The following RGS7 variants were observed in gnomAD, a reference collection of about 807,000 sequenced individuals.
The protein encoded by RGS7 is regulator of G protein signaling 7.
RGS7 carries 27 observed loss-of-function variants against 81.1 expected under a neutral mutation model. That is an observed-to-expected ratio of 0.33 (90% CI 0.25 to 0.46). The LOEUF (loss-of-function observed/expected upper bound fraction) is 0.46. RGS7 is among the 20% of genes least tolerant of loss of function. RGS7 has a pLI of 1.00. For missense variants in RGS7, 396 were observed against 607.4 expected (o/e 0.65, Z 3.66); for synonymous variants, 208 against 207.7 (o/e 1.00, Z -0.01).
intron 2 of RGS7, among the ~76,000 whole-genome samples, chr1:241,122,318 T>C (rs934301026): frequency 2.6e-5 from 4 of 152,174 alleles, no homozygotes; most frequent in African/African-American, 7.2e-5. Flanking sequence ...CAGGGTTATG[T>C]CCTGATAAAC....
At chr1:241,062,534 G>T (rs1291060468) in intron 3 of RGS7, among the ~76,000 whole-genome samples, 1 of 152,130 alleles carries the variant, frequency 6.6e-6, no homozygotes, top group Non-Finnish European at 1.5e-5. Context: ...AAGAATTAGA[G>T]CATTTCATAT....
intron 2 of RGS7, among the ~76,000 whole-genome samples, chr1:241,156,247 T>A (rs2069140563): frequency 6.6e-6 from 1 of 152,076 alleles, no homozygotes; most frequent in Admixed American, 6.6e-5. Context: ...ATTTCAGTCC[T>A]TTAGGAGCCT....
rs1663988608 is a variant in RGS7 at position 240,868,969 on chromosome 1, G to C, written c.451-117C>G. On this transcript the variant is annotated intron_variant, in intron 7 of 18. Coordinates refer to ENST00000440928, the MANE Select transcript of RGS7 (RefSeq NM_001364886.1). This position sits in a 1 kb window ranked among gnomAD's most constrained non-coding sequence, Gnocchi z 5.1. ...ATAGAGAGTTTCTAAAGCCCTAAGT[G>C]TACTGTGGTTCTCAATGATAAGTCA... 12 of 903,476 alleles carry C rather than the reference G, an allele frequency of 1.3e-5. No homozygotes were observed. The highest frequency in any genetic ancestry group is 2.2e-5 in the Non-Finnish European group (12 of 544,212). The allele number at this position is 903,476 out of a possible 1,614,324, so 56.0% of individuals were successfully genotyped here.
At chr1:241,058,160 G>C (rs146023267) in intron 3 of RGS7, among the ~76,000 whole-genome samples, 74 of 152,244 alleles carry the variant, frequency 4.9e-4, no homozygotes, top group African/African-American at 1.6e-3. Flanking sequence ...GGGCAAATGG[G>C]CTCAAACATG....
At chr1:241,310,902 C>G (rs1274521522) in intron 2 of RGS7, among the ~76,000 whole-genome samples, 1 of 152,204 alleles carries the variant, frequency 6.6e-6, no homozygotes, top group Non-Finnish European at 1.5e-5. Flanking sequence ...ATTTGCAAGA[C>G]AGTGGTCAAA....
chr1:241,069,968 A>T (rs1447410072), intron 3 of RGS7, among the ~76,000 whole-genome samples: 1 of 152,212 alleles, frequency 6.6e-6, no homozygotes, highest in African/African-American at 2.4e-5. Context: ...CTGATGAGAA[A>T]ATTGGGTTTC....
At chr1:241,234,678 C>T (rs1420569499) in intron 2 of RGS7, among the ~76,000 whole-genome samples, 1 of 152,072 alleles carries the variant, frequency 6.6e-6, no homozygotes, top group East Asian at 1.9e-4. Context: ...GAGAAAGACA[C>T]ACAATTCTCC....
chr1:240,870,183 C>T lies in RGS7; in HGVS notation c.386-64G>A. On this transcript the variant is annotated intron_variant, in intron 6 of 18. Transcript: ENST00000440928. ...CACCATGGCACTATAAGTAAAAGTACAACATTACAAATCAAGGGCATTGCA... is the reference window on the plus strand; with the variant it reads ...CACCATGGCACTATAAGTAAAAGTATAACATTACAAATCAAGGGCATTGCA... The T allele has an allele frequency of 2.9e-6, 4 of 1,397,228 alleles. No homozygotes were observed. In the South Asian group the frequency reaches 4.6e-5, roughly 16 times the overall value. The allele number at this position is 1,397,228 out of a possible 1,614,324, so 86.6% of individuals were successfully genotyped here.
At chr1:241,042,635 T>C (rs765200365) in intron 3 of RGS7, among the ~76,000 whole-genome samples, 44 of 149,688 alleles carry the variant, frequency 2.9e-4, no homozygotes, top group Non-Finnish European at 3.6e-4. Flanking sequence ...TTCAAGATTA[T>C]GTCCCTTGGC....
intron 2 of RGS7, among the ~76,000 whole-genome samples, chr1:241,128,777 C>CAAAAAAA (rs71172680): frequency 3.8e-5 from 3 of 77,954 alleles, no homozygotes; most frequent in Admixed American, 1.6e-4. Context: ...GAATAATAGG[C>CAAAAAAA]AAAAAAAAAA....
At chr1:241,313,888 C>T (rs968807312) in intron 2 of RGS7, among the ~76,000 whole-genome samples, 4 of 152,226 alleles carry the variant, frequency 2.6e-5, no homozygotes, top group South Asian at 2.1e-4. Flanking sequence ...AAGCCTTCAG[C>T]GGTGGAAGTC....
intron 2 of RGS7, among the ~76,000 whole-genome samples, chr1:241,257,680 C>T (rs1356979138): frequency 1.3e-5 from 2 of 152,044 alleles, no homozygotes; most frequent in African/African-American, 2.4e-5. Context: ...ATTCTTTCTC[C>T]ACCTTCTCTT....
At chr1:241,175,258 A>T (rs10926423) in intron 2 of RGS7, among the ~76,000 whole-genome samples, 1 of 152,152 alleles carries the variant, frequency 6.6e-6, no homozygotes, top group South Asian at 2.1e-4. Context: ...ATTGTCTCCT[A>T]TTACACATTG....
chr1:241,166,872 G>T (rs1311819644), intron 2 of RGS7, among the ~76,000 whole-genome samples: 1 of 152,178 alleles, frequency 6.6e-6, no homozygotes, highest in African/African-American at 2.4e-5. Context: ...CCTTCCAGAA[G>T]GCAGAATCAG....
rs1368131212 is a variant in RGS7 at position 241,164,732 on chromosome 1, C to T, written c.79-65970G>A. 1.3e-5 allele frequency among the ~76,000 whole-genome samples: 2 copies of T among 152,154 alleles called. No homozygotes were observed. The highest frequency in any genetic ancestry group is 2.4e-5 in the African/African-American group (1 of 41,440). On this transcript the variant is annotated intron_variant, in intron 2 of 18. Transcript: ENST00000440928. The surrounding 1 kb of genome is among the most constrained non-coding windows in gnomAD (Gnocchi z 4.1). ...ACTGCGCAGGCCAACAAAACACATC[C>T]CCTACTCAGATTCTGCGCATGGGCC...
chr1:241,095,266 G>T (rs1262556838), intron 3 of RGS7, among the ~76,000 whole-genome samples: 2 of 152,128 alleles, frequency 1.3e-5, no homozygotes, highest in Non-Finnish European at 2.9e-5. Context: ...TAGTACATCT[G>T]GGGGTGGGTC....
chr1:241,047,028 C>T (rs1364175223), intron 3 of RGS7, among the ~76,000 whole-genome samples: 1 of 152,108 alleles, frequency 6.6e-6, no homozygotes, highest in African/African-American at 2.4e-5. Flanking sequence ...TCCATGAACC[C>T]CAAGTCTGAG....
chr1:241,141,292 C>G (rs1411853460), intron 2 of RGS7, among the ~76,000 whole-genome samples: 1 of 152,154 alleles, frequency 6.6e-6, no homozygotes, highest in Non-Finnish European at 1.5e-5. Flanking sequence ...TGAGGCAGTT[C>G]AAATCTGCCT....
intron 4 of RGS7, among the ~76,000 whole-genome samples, chr1:240,971,937 T>C (rs987667544): frequency 1.3e-5 from 2 of 152,226 alleles, no homozygotes; most frequent in African/African-American, 2.4e-5. Context: ...TAAATGCTTC[T>C]ACCGCTTCCC....
Sources: gnomAD v4.1 joint callset for allele counts (sites outside exome capture counted in the v4.1 genomes callset) on GRCh38, gnomAD v4.1.1 for gene constraint, Gnocchi (gnomAD v3.1) non-coding constraint, MANE v1.5 for transcripts, NCBI Gene and HGNC (gene_info 2026-07-23, HGNC 2026-07-21) for gene names.